CDH18: variants seen among roughly 807,000 people sequenced by gnomAD.
The protein encoded by CDH18 is cadherin 18.
A neutral mutation model predicts 67.9 loss-of-function variants in CDH18; 31 were observed. The observed-to-expected ratio is 0.46, with a 90% CI of 0.34 to 0.62. The LOEUF (loss-of-function observed/expected upper bound fraction) is 0.62. Ranked by LOEUF, CDH18 falls within the 20% of genes least tolerant of loss-of-function variation. The pLI is 0.01. For missense variants in CDH18, 890 were observed against 975.5 expected, an observed-to-expected ratio of 0.91 and a Z score of 1.17; for synonymous variants, 362 against 347.2, an observed-to-expected ratio of 1.04 and a Z score of -0.48.
intron 2 of CDH18, among the ~76,000 whole-genome samples, chr5:20,103,605 TG>T (rs1420391892): frequency 8.4e-5 from 12 of 142,530 alleles, no homozygotes; most frequent in Non-Finnish European, 1.5e-4. Context: ...TGGTGGCGGG[TG>T]CCTGTAATCC....
intron 1 of CDH18, among the ~76,000 whole-genome samples, chr5:20,327,922 A>T (rs935428013): frequency 5.9e-5 from 9 of 152,296 alleles, no homozygotes; most frequent in Non-Finnish European, 1.3e-4. Flanking sequence ...TAAAGTTGAG[A>T]TAAAAGAAAA....
Position 20,462,918 on chromosome 5 carries a change from G to T in CDH18, c.-580+112544C>A, listed in dbSNP as rs1301867414. 3.9e-5 allele frequency among the ~76,000 whole-genome samples: 6 copies of T among 152,166 alleles called. No individual in the cohort carries two copies. In the South Asian group the frequency reaches 1.0e-3, roughly 26 times the overall value. On this transcript the variant is annotated intron_variant, in intron 1 of 14. Coordinates refer to the CDH18 transcript ENST00000507958. ...CCTCAAACTCTATTTAGAAATTAAAGATTGTTCTACTTTGTATTTCTAAAA... is the reference window on the plus strand; with the variant it reads ...CCTCAAACTCTATTTAGAAATTAAATATTGTTCTACTTTGTATTTCTAAAA...
At chr5:20,484,903 T>C (rs756344435) in intron 1 of CDH18, among the ~76,000 whole-genome samples, 2 of 152,072 alleles carry the variant, frequency 1.3e-5, no homozygotes, top group Admixed American at 1.3e-4. Flanking sequence ...GTCAATGATA[T>C]TTTATCATAC....
At chr5:20,573,399 G>T (rs1022433302) in intron 1 of CDH18, among the ~76,000 whole-genome samples, 1 of 151,236 alleles carries the variant, frequency 6.6e-6, no homozygotes, top group African/African-American at 2.4e-5. Flanking sequence ...ATAAGTACCA[G>T]GAGGACACTG....
At chr5:19,808,832 C>CACA (rs1778327303) in intron 3 of CDH18, among the ~76,000 whole-genome samples, 1 of 53,936 alleles carries the variant, frequency 1.9e-5, no homozygotes, top group Non-Finnish European at 3.2e-5. Context: ...AACTCTGTCT[C>CACA]AAAAAAAAAA....
At chr5:19,845,923 T>C (rs1399643528) in intron 2 of CDH18, among the ~76,000 whole-genome samples, 1 of 151,974 alleles carries the variant, frequency 6.6e-6, no homozygotes, top group African/African-American at 2.4e-5. Context: ...GAGTCTATTG[T>C]AGAAAGCATA....
intron 7 of CDH18, among the ~76,000 whole-genome samples, chr5:19,589,994 T>C (rs1416554505): frequency 6.6e-6 from 1 of 152,116 alleles, no homozygotes; most frequent in Non-Finnish European, 1.5e-5. Flanking sequence ...AGTAAACATA[T>C]TATTGATCTA....
chr5:20,502,576 A>C (rs1754402527), intron 1 of CDH18, among the ~76,000 whole-genome samples: 1 of 152,214 alleles, frequency 6.6e-6, no homozygotes, highest in African/African-American at 2.4e-5. Flanking sequence ...TTTTATTTTT[A>C]AAAAGTGTAG....
chr5:20,232,992 C>A lies in CDH18; in HGVS notation c.-518+22452G>T, dbSNP rs1319675887. Among the ~76,000 whole-genome samples, 14 of 151,852 alleles carry A rather than the reference C, an allele frequency of 9.2e-5. No homozygotes were observed. The East Asian group carries it at 2.7e-3, about 29-fold the overall frequency. ...ATATATGTCTTATAGGTTGCAATAA[C>A]AATAAAGAAGTTGAAACCTGATTAA... is the stretch of plus-strand genomic sequence containing the variant. On this transcript the variant is annotated intron_variant, in intron 2 of 14. Transcript: ENST00000507958.
intron 2 of CDH18, among the ~76,000 whole-genome samples, chr5:20,255,075 T>C (rs890188271): frequency 4.6e-5 from 7 of 151,860 alleles, no homozygotes; most frequent in Non-Finnish European, 1.0e-4. Context: ...AGAGCTAAAA[T>C]TGAGCACACA....
chr5:19,780,626 T>C (rs528183456), intron 3 of CDH18, among the ~76,000 whole-genome samples: 64 of 152,274 alleles, frequency 4.2e-4, no homozygotes, highest in African/African-American at 1.5e-3. Context: ...CACAGCCTGG[T>C]TCATGTTGAT....
chr5:20,021,906 A>G (rs1021647480), intron 2 of CDH18, among the ~76,000 whole-genome samples: 2 of 152,234 alleles, frequency 1.3e-5, no homozygotes, highest in African/African-American at 4.8e-5. Flanking sequence ...AGCAGAAGCC[A>G]TGGACACAGC....
At chr5:19,529,754 G>T (rs1748299442) in intron 9 of CDH18, among the ~76,000 whole-genome samples, 1 of 152,042 alleles carries the variant, frequency 6.6e-6, no homozygotes, top group African/African-American at 2.4e-5. Context: ...ATGTTTGTAT[G>T]CTGAATTCTA....
intron 2 of CDH18, among the ~76,000 whole-genome samples, chr5:19,917,345 G>GC (rs1313852024): frequency 1.4e-5 from 2 of 138,380 alleles, no homozygotes; most frequent in Admixed American, 7.2e-5. Context: ...TTCCCCCCCC[G>GC]CCCCCTTTTT....
intron 1 of CDH18, among the ~76,000 whole-genome samples, chr5:20,544,014 G>T (rs1757199594): frequency 6.6e-6 from 1 of 152,122 alleles, no homozygotes. Flanking sequence ...TATGTAATGA[G>T]TTGTTGAATT....
intron 2 of CDH18, among the ~76,000 whole-genome samples, chr5:20,170,666 T>A (rs182479443): frequency 9.2e-5 from 14 of 152,234 alleles, no homozygotes; most frequent in Non-Finnish European, 1.8e-4. Flanking sequence ...GGTTTTCCCC[T>A]CTACATAGGA....
At chr5:20,101,840 G>A (rs1285210048) in intron 2 of CDH18, among the ~76,000 whole-genome samples, 16 of 152,168 alleles carry the variant, frequency 1.1e-4, no homozygotes, top group African/African-American at 3.4e-4. Flanking sequence ...TTGGGAGGCC[G>A]AGGCGGGCGG....
intron 3 of CDH18, among the ~76,000 whole-genome samples, chr5:19,789,912 A>T (rs1300579092): frequency 6.6e-6 from 1 of 151,922 alleles, no homozygotes; most frequent in East Asian, 1.9e-4. Flanking sequence ...TACATTTTAT[A>T]CATAATATAA....
chr5:20,389,034 T>C (rs1278071912), intron 1 of CDH18, among the ~76,000 whole-genome samples: 1 of 152,176 alleles, frequency 6.6e-6, no homozygotes, highest in Non-Finnish European at 1.5e-5. Flanking sequence ...TTCTGTTGAC[T>C]TGGGGTGGAG....
Sources: allele counts gnomAD v4.1 joint callset (sites outside exome capture counted in the v4.1 genomes callset), GRCh38; gene constraint gnomAD v4.1.1; transcripts MANE v1.5; gene names NCBI Gene and HGNC (gene_info 2026-07-23, HGNC 2026-07-21).